Variants in DNAJC13 observed in about 807,000 individuals in gnomAD.
DNAJC13 encodes the protein DnaJ heat shock protein family (Hsp40) member C13.
In DNAJC13, 75 loss-of-function variants were observed where a neutral mutation model predicts 290.5. The observed-to-expected ratio is 0.26, with a 90% CI of 0.21 to 0.31. The LOEUF is 0.31. DNAJC13 is among the 10% of genes least tolerant of loss of function. DNAJC13 has a pLI of 1.00. For missense variants in DNAJC13, 2,260 were observed against 2,674.5 expected (o/e 0.85, Z 3.42); for synonymous variants, 862 against 892.0 (o/e 0.97, Z 0.60).
chr3:132,499,788 C>G lies in DNAJC13; in HGVS notation c.4396C>G (p.Pro1466Ala). The G allele has an allele frequency of 6.2e-7, 1 of 1,614,028 alleles. No homozygotes were observed. The highest frequency in any genetic ancestry group is 8.5e-7 in the Non-Finnish European group (1 of 1,179,980). Residue 1466 changes from proline to alanine, a missense_variant, in exon 38 of 56, where the codon CCA (proline) becomes GCA (alanine). Pro to Ala is a conservative substitution (Grantham distance 27). Transcript: ENST00000260818. ...GGCTGTCTTGACTCGTGCTAGTAAA[C>G]CAAGTGACATGTCAGTACAGGTGAG... ...CVAVLTRASKPSDMSVQVCGY... is the reference protein window; with the variant it reads ...CVAVLTRASKASDMSVQVCGY...
rs1933830394 is a variant in DNAJC13 at position 132,462,457 on chromosome 3, C to T, written c.1714-10C>T. On this transcript the variant is annotated splice_polypyrimidine_tract_variant and intron_variant, in intron 15 of 55. Coordinates refer to ENST00000260818, the MANE Select transcript of DNAJC13 (RefSeq NM_015268.4). ...TTATTTTTTGATACTTTTTCCCCCT[C>T]ACTTTAAAGCATCCTTCCATGGCAA... The T allele has an allele frequency of 6.2e-7, 1 of 1,606,552 alleles. No homozygotes were observed. The highest frequency in any genetic ancestry group is 8.5e-7 in the Non-Finnish European group (1 of 1,177,500).
At chr3:132,440,227 A>C (rs1933012028) in intron 2 of DNAJC13, among the ~76,000 whole-genome samples, 1 of 152,264 alleles carries the variant, frequency 6.6e-6, no homozygotes, top group South Asian at 2.1e-4. Flanking sequence ...GCTACACTCC[A>C]TCTTGGGCAA....
chr3:132,421,677 T>G (rs1340596314), intron 1 of DNAJC13, among the ~76,000 whole-genome samples: 1 of 151,394 alleles, frequency 6.6e-6, no homozygotes, highest in Non-Finnish European at 1.5e-5. Context: ...TGACCTCAAG[T>G]GATCCACCCA....
chr3:132,499,255 C>T lies in DNAJC13; in HGVS notation c.4286C>T (p.Thr1429Ile). Reference sequence around the variant, plus strand: ...GCGGCTACAGAGCTAGCTTTCCATACTGTCAACTGTTCAGCCCTCAATGCT... The same window carrying T: ...GCGGCTACAGAGCTAGCTTTCCATATTGTCAACTGTTCAGCCCTCAATGCT... The part of the protein sequence containing the change: ...LPAATELAFH[T>I]VNCSALNAEE... The change falls in exon 37 of 56, where the codon ACT becomes ATT. Residue 1429 changes from threonine (T) to isoleucine (I), a missense_variant. This residue lies in a region of DNAJC13 where 1,494 missense variants were observed against 1,693.7 expected (regional missense o/e 0.88). Coordinates refer to ENST00000260818, the MANE Select transcript of DNAJC13 (RefSeq NM_015268.4). 6.2e-7 allele frequency: 1 copy of T among 1,614,074 alleles called. No homozygotes were observed. The highest frequency in any genetic ancestry group is 2.2e-5 in the East Asian group (1 of 44,872).
At chr3:132,434,488 A>G (rs900593346) in intron 1 of DNAJC13, 50 bp from the exon 2 acceptor site, 1 of 1,340,976 alleles carries the variant, frequency 7.5e-7, no homozygotes, top group Admixed American at 2.0e-5. Flanking sequence ...TCTTGGAAAG[A>G]TTAAAGATAT....
In DNAJC13 at chr3:132,478,324, A is replaced by ATAC. The variant is rs1257312490; in HGVS notation, c.2709+184_2709+185insTAC. 3.3e-4 allele frequency among the ~76,000 whole-genome samples: 51 copies of ATAC among 152,344 alleles called. 1 individual carries two copies. The South Asian group carries it at 4.1e-3, about 12-fold the overall frequency. On this transcript the variant is annotated intron_variant, in intron 24 of 55. Coordinates refer to ENST00000260818, the MANE Select transcript of DNAJC13 (RefSeq NM_015268.4). Reference sequence around the variant, plus strand: ...AATAGGAAAATGAATAATGGGTTAGAATTTGTCCATGTCACTTTATGTGTT... The same window carrying ATAC: ...AATAGGAAAATGAATAATGGGTTAGATACATTTGTCCATGTCACTTTATGTGTT...
intron 20 of DNAJC13, among the ~76,000 whole-genome samples, chr3:132,471,538 C>T (rs1210955466): frequency 6.5e-5 from 9 of 138,000 alleles, no homozygotes; most frequent in Non-Finnish European, 1.3e-4. Flanking sequence ...ACGGGGCGGC[C>T]GGGCAGAGAC....
Position 132,446,562 on chromosome 3 carries a change from A to G in DNAJC13, c.144+12A>G. ...AAGTAACAAATCAGGTAATCCTGTT[A>G]GAAGCTGTTAGGTGTTTGTATGAAC... is the stretch of plus-strand genomic sequence containing the variant. On this transcript the variant is annotated intron_variant, in intron 3 of 55. Transcript: ENST00000260818. 1 of 1,582,548 alleles carries G rather than the reference A, an allele frequency of 6.3e-7. No homozygotes were observed. Among genetic ancestry groups the G allele is most frequent in the Non-Finnish European group, 8.6e-7 (1 of 1,163,322 alleles).
At chr3:132,508,109 C>A (rs914001264) in intron 43 of DNAJC13, among the ~76,000 whole-genome samples, 3 of 152,216 alleles carry the variant, frequency 2.0e-5, no homozygotes, top group Non-Finnish European at 4.4e-5. Flanking sequence ...CCAGCCACAA[C>A]ATTCCCATAA....
chr3:132,476,149 G>T (rs749468275), intron 22 of DNAJC13, among the ~76,000 whole-genome samples: 1 of 151,986 alleles, frequency 6.6e-6, no homozygotes, highest in African/African-American at 2.4e-5. Context: ...GCCCAGTCTG[G>T]CTTTTTATTT....
intron 54 of DNAJC13, 148 bp downstream of exon 54, chr3:132,528,480 A>C: frequency 2.2e-6 from 2 of 903,222 alleles, no homozygotes; most frequent in African/African-American, 3.3e-5. Context: ...ATGGACTTGC[A>C]TACCTGCCTC....
intron 34 of DNAJC13, 125 bp downstream of exon 34, chr3:132,494,384 G>C: frequency 2.7e-6 from 2 of 738,256 alleles, no homozygotes; most frequent in South Asian, 1.7e-5. Flanking sequence ...ATACACCTTG[G>C]GAATAACCAT....
chr3:132,530,787 C>CT (rs1936392151), intron 54 of DNAJC13, among the ~76,000 whole-genome samples: 1 of 152,204 alleles, frequency 6.6e-6, no homozygotes, highest in Non-Finnish European at 1.5e-5. Context: ...AGAGGGACGA[C>CT]TGACTTGAGG....
intron 1 of DNAJC13, among the ~76,000 whole-genome samples, chr3:132,419,689 T>C (rs868230538): frequency 4.6e-5 from 7 of 152,324 alleles, no homozygotes; most frequent in Non-Finnish European, 1.0e-4. Context: ...TACTTTAAAT[T>C]AGTAATTGAA....
At position 132,509,073 on chromosome 3, in the gene DNAJC13, C is replaced by T. The variant is rs191894587; in HGVS notation, c.5115+1720C>T. ...AACTTTTACATCTTGTTATTTAAAACATACATTTCAAACAGCTGTAGCTGC... is the reference window on the plus strand; with the variant it reads ...AACTTTTACATCTTGTTATTTAAAATATACATTTCAAACAGCTGTAGCTGC... On this transcript the variant is annotated intron_variant, in intron 43 of 55. Transcript: ENST00000260818. Among the ~76,000 whole-genome samples, 958 of 152,332 alleles carry T rather than the reference C, an allele frequency of 6.3e-3. 8 individuals are homozygous for T. The highest frequency in any genetic ancestry group is 0.022 in the African/African-American group (904 of 41,568).
chr3:132,452,694 C>G (rs1406478576), intron 6 of DNAJC13, among the ~76,000 whole-genome samples: 1 of 152,182 alleles, frequency 6.6e-6, no homozygotes, highest in Non-Finnish European at 1.5e-5. Flanking sequence ...GGATGCTCAA[C>G]TGGTAAGTGT....
At chr3:132,425,445 C>A (rs1380515811) in intron 1 of DNAJC13, among the ~76,000 whole-genome samples, 1 of 152,112 alleles carries the variant, frequency 6.6e-6, no homozygotes, top group Non-Finnish European at 1.5e-5. Context: ...ACCCACATGC[C>A]CACCTAAAGG....
intron 2 of DNAJC13, among the ~76,000 whole-genome samples, chr3:132,443,404 C>T (rs1043101968): frequency 3.3e-5 from 5 of 152,162 alleles, no homozygotes; most frequent in Non-Finnish European, 5.9e-5. Context: ...CCTCCTGCCT[C>T]GGCCTCCCAA....
intron 41 of DNAJC13, among the ~76,000 whole-genome samples, chr3:132,504,539 G>A (rs1935527509): frequency 6.6e-6 from 1 of 152,036 alleles, no homozygotes; most frequent in African/African-American, 2.4e-5. Context: ...TTAAATGTTG[G>A]CATGAGCTCC....
Sources: allele counts gnomAD v4.1 joint callset (sites outside exome capture counted in the v4.1 genomes callset), GRCh38; gene constraint gnomAD v4.1.1; regional missense constraint gnomAD v4.1.1; transcripts MANE v1.5; gene names NCBI Gene and HGNC (gene_info 2026-07-23, HGNC 2026-07-21).